The following RAD54L2 variants were observed in gnomAD, a reference collection of about 807,000 sequenced individuals.
RAD54L2 encodes the protein helicase ARIP4.
A neutral mutation model predicts 138.4 loss-of-function variants in RAD54L2; 27 were observed. That is an observed-to-expected ratio of 0.20 (90% confidence interval 0.14 to 0.27). The LOEUF (loss-of-function observed/expected upper bound fraction) is 0.27, where lower values mean the gene tolerates loss of function less well. Ranked by LOEUF, RAD54L2 falls within the 10% of genes least tolerant of loss-of-function variation. The probability of loss-of-function intolerance (pLI) is 1.00; values close to 1 mark genes in which losing one functional copy is unlikely to be tolerated. For synonymous variants in RAD54L2, 644 were observed against 723.2 expected, an observed-to-expected ratio of 0.89 and a Z score of 1.76; for missense variants, 1,396 against 1,890.2, an observed-to-expected ratio of 0.74 and a Z score of 4.85.
At chr3:51,632,762 C>T (rs1700881328) in intron 7 of RAD54L2, among the ~76,000 whole-genome samples, 1 of 151,752 alleles carries the variant, frequency 6.6e-6, no homozygotes, top group African/African-American at 2.4e-5. Flanking sequence ...CATGGTGGTG[C>T]ATACCTGTAG....
In RAD54L2 at chr3:51,608,877, AG is replaced by A. The variant is rs1559635085; in HGVS notation, c.139+18323del. ...AAGAGGGAGAGGCAGAGGGAGGGGCAGGGGGAGGGAGAGGTAATTATTATTA... is the reference window on the plus strand; with the variant it reads ...AAGAGGGAGAGGCAGAGGGAGGGGCAGGGGAGGGAGAGGTAATTATTATTA... On this transcript the variant is annotated intron_variant, in intron 3 of 22. Transcript: ENST00000684192. Among the ~76,000 whole-genome samples the A allele has an allele frequency of 3.9e-5, 6 of 152,170 alleles. No individual in the cohort carries two copies. In the South Asian group the frequency reaches 1.2e-3, roughly 32 times the overall value.
intron 2 of RAD54L2, among the ~76,000 whole-genome samples, chr3:51,555,670 A>G (rs374138181): frequency 2.0e-5 from 3 of 152,180 alleles, no homozygotes; most frequent in Admixed American, 6.5e-5. Context: ...CTCAACCACC[A>G]TCGGCACATG....
chr3:51,653,724 T>G (rs1233983455), intron 19 of RAD54L2, among the ~76,000 whole-genome samples: 1 of 152,014 alleles, frequency 6.6e-6, no homozygotes, highest in South Asian at 2.1e-4. Flanking sequence ...AGGTGGGAAT[T>G]GAACAATGAG....
rs189890877 is a variant in RAD54L2, at chr3:51,605,163, C to T, written c.139+14604C>T. On this transcript the variant is annotated intron_variant, in intron 3 of 22. Transcript: ENST00000684192. ...GCAGTGCAGTGGCGCGATCTCCGCT[C>T]GCTGCAGCCTCCGCCTCCTGGGTTC... is the stretch of plus-strand genomic sequence containing the variant. Among the ~76,000 whole-genome samples the T allele has an allele frequency of 3.5e-4, 53 of 150,034 alleles. No homozygotes were observed. In the East Asian group the frequency reaches 7.6e-3, roughly 21 times the overall value.
chr3:51,554,580 C>A (rs1307536157), intron 2 of RAD54L2, among the ~76,000 whole-genome samples: 1 of 151,788 alleles, frequency 6.6e-6, no homozygotes, highest in Non-Finnish European at 1.5e-5. Context: ...AATATTTTAC[C>A]CAAAATACAT....
At chr3:51,578,153 C>T (rs1035215880) in intron 2 of RAD54L2, among the ~76,000 whole-genome samples, 1 of 151,200 alleles carries the variant, frequency 6.6e-6, no homozygotes, top group Admixed American at 6.6e-5. Flanking sequence ...CTGCCCCACC[C>T]CCTGGTCCAG....
At chr3:51,568,922 A>G (rs777950030) in intron 2 of RAD54L2, among the ~76,000 whole-genome samples, 2 of 152,204 alleles carry the variant, frequency 1.3e-5, no homozygotes, top group African/African-American at 2.4e-5. Context: ...ATGATTAAGT[A>G]TGGAGTTTAT....
At chr3:51,600,706 C>T (rs1700061705) in intron 3 of RAD54L2, among the ~76,000 whole-genome samples, 1 of 152,102 alleles carries the variant, frequency 6.6e-6, no homozygotes, top group Non-Finnish European at 1.5e-5. Flanking sequence ...GTGGCTCACG[C>T]CTGTAATCTC....
At chr3:51,635,256 C>T (rs1700957071) in intron 9 of RAD54L2, among the ~76,000 whole-genome samples, 2 of 152,280 alleles carry the variant, frequency 1.3e-5, no homozygotes, top group South Asian at 2.1e-4. Flanking sequence ...GATTGAAATG[C>T]TCCTTCAAAT....
At chr3:51,653,431 G>GTA (rs1403198691) in intron 19 of RAD54L2, among the ~76,000 whole-genome samples, 1 of 152,152 alleles carries the variant, frequency 6.6e-6, no homozygotes, top group African/African-American at 2.4e-5. Context: ...CCATTACTGG[G>GTA]TATATACCCA....
At chr3:51,565,421 G>A (rs1699192798) in intron 2 of RAD54L2, among the ~76,000 whole-genome samples, 1 of 152,118 alleles carries the variant, frequency 6.6e-6, no homozygotes, top group South Asian at 2.1e-4. Context: ...ATATATATGT[G>A]TGTGTGTGTG....
At chr3:51,657,505 T>C (rs1414455857) in intron 20 of RAD54L2, 75 bp from the exon 21 acceptor site, 1 of 950,106 alleles carries the variant, frequency 1.1e-6, no homozygotes, top group Non-Finnish European at 1.7e-6. Context: ...GGGGTAGATG[T>C]GGGACTTTGC....
At chr3:51,552,391 T>G (rs1018329871) in intron 2 of RAD54L2, among the ~76,000 whole-genome samples, 3 of 150,738 alleles carry the variant, frequency 2.0e-5, no homozygotes, top group Non-Finnish European at 4.4e-5. Context: ...GCCTCCCGAG[T>G]AGGTGGGACT....
At chr3:51,608,497 G>A (rs1700254904) in intron 3 of RAD54L2, among the ~76,000 whole-genome samples, 2 of 152,220 alleles carry the variant, frequency 1.3e-5, no homozygotes, top group Admixed American at 1.3e-4. Context: ...GGAGGTTGTA[G>A]CGAGCGGAGA....
In RAD54L2 at chr3:51,639,454, T is replaced by C. The variant is rs544002288; in HGVS notation, c.1896T>C (p.Leu632=). The C allele has an allele frequency of 1.2e-6, 2 of 1,613,952 alleles. No homozygotes were observed. Among genetic ancestry groups the C allele is most frequent in the South Asian group, 1.1e-5 (1 of 91,084 alleles). The change falls in exon 13 of 23, where the codon CTT becomes CTC. Residue 632 remains leucine (L), a synonymous_variant. Transcript: ENST00000684192. The part of the protein sequence containing the change: ...WNHPDVLYEA[L]QKESLANEQD... ...ACCCTGATGTGCTGTATGAAGCCCT[T>C]CAGAAGGAGAGCTTGGCCAATGAGC...
intron 2 of RAD54L2, among the ~76,000 whole-genome samples, chr3:51,565,564 C>G (rs1490684933): frequency 6.6e-6 from 1 of 152,120 alleles, no homozygotes; most frequent in African/African-American, 2.4e-5. Context: ...CAGCCTCTGC[C>G]TCCCCAGTTC....
chr3:51,553,955 A>G (rs926737300), intron 2 of RAD54L2, among the ~76,000 whole-genome samples: 1 of 152,208 alleles, frequency 6.6e-6, no homozygotes, highest in Non-Finnish European at 1.5e-5. Context: ...AATGTTAACA[A>G]TCACCTGAGC....
chr3:51,649,671 C>T (rs1362238192), intron 19 of RAD54L2, among the ~76,000 whole-genome samples: 1 of 152,106 alleles, frequency 6.6e-6, no homozygotes, highest in Non-Finnish European at 1.5e-5. Context: ...GAATTTTCAA[C>T]CCAGAATTTC....
At chr3:51,589,283 C>T (rs1699782862) in intron 2 of RAD54L2, among the ~76,000 whole-genome samples, 1 of 152,144 alleles carries the variant, frequency 6.6e-6, no homozygotes, top group Admixed American at 6.5e-5. Flanking sequence ...GTCGTCCTAG[C>T]TACTCAGGAG....
Sources: allele counts gnomAD v4.1 joint callset (sites outside exome capture counted in the v4.1 genomes callset), GRCh38; gene constraint gnomAD v4.1.1; transcripts MANE v1.5; gene names NCBI Gene and HGNC (gene_info 2026-07-23, HGNC 2026-07-21).